MRPL45: variants seen among roughly 807,000 people sequenced by gnomAD.
MRPL45 encodes the protein mitochondrial ribosomal protein L45.
MRPL45 carries 20 observed loss-of-function variants against 38.1 expected under a neutral mutation model. That is an observed-to-expected ratio of 0.53 (90% CI 0.37 to 0.76). The LOEUF (loss-of-function observed/expected upper bound fraction) is 0.76. Ranked by LOEUF, MRPL45 falls within the 30% of genes least tolerant of loss-of-function variation. MRPL45 has a pLI of 0.00. For missense variants in MRPL45, 337 were observed against 395.6 expected, an observed-to-expected ratio of 0.85 and a Z score of 1.26; for synonymous variants, 105 against 128.8, an observed-to-expected ratio of 0.82 and a Z score of 1.25.
At chr17:38,314,097 CACTCTTTTATTATT>C (rs2037151682) in intron 4 of MRPL45, among the ~76,000 whole-genome samples, 1 of 152,118 alleles carries the variant, frequency 6.6e-6, no homozygotes, top group Non-Finnish European at 1.5e-5. Flanking sequence ...TTTGTCTTTT[CACTCTTTTATTATT>C]ATTAGTTTTT....
intron 3 of MRPL45, among the ~76,000 whole-genome samples, chr17:38,301,538 G>A (rs2036995883): frequency 6.6e-6 from 1 of 152,174 alleles, no homozygotes; most frequent in Non-Finnish European, 1.5e-5. Context: ...ACCACGCTGG[G>A]CTATCATGTT....
intron 4 of MRPL45, 36 bp downstream of exon 4, chr17:38,306,667 C>T (rs1883751414): frequency 1.9e-6 from 3 of 1,605,078 alleles, no homozygotes; most frequent in Non-Finnish European, 2.5e-6. Flanking sequence ...ATTCTGTTCT[C>T]AGCAGTTAGC....
intron 1 of MRPL45, among the ~76,000 whole-genome samples, chr17:38,298,112 C>G (rs1394831679): frequency 1.3e-5 from 2 of 152,054 alleles, no homozygotes; most frequent in Admixed American, 6.6e-5. Context: ...AGTATTCTGC[C>G]CATTTCAGTA....
chr17:38,316,835 G>A (rs1326496766), intron 4 of MRPL45, among the ~76,000 whole-genome samples: 2 of 145,088 alleles, frequency 1.4e-5, no homozygotes, highest in Admixed American at 7.2e-5. Flanking sequence ...GTCTTGCTCT[G>A]TTGCCAGGCT....
At chr17:38,314,009 A>T (rs1244251948) in intron 4 of MRPL45, among the ~76,000 whole-genome samples, 2 of 152,078 alleles carry the variant, frequency 1.3e-5, no homozygotes, top group East Asian at 3.9e-4. Context: ...TTGTTGAGTT[A>T]TAGGAGTTCT....
At chr17:38,311,655 C>T (rs1169220036) in intron 4 of MRPL45, among the ~76,000 whole-genome samples, 1 of 149,360 alleles carries the variant, frequency 6.7e-6, no homozygotes, top group Non-Finnish European at 1.5e-5. Context: ...CACTGCACTC[C>T]AGCCTGGCGA....
chr17:38,302,590 A>AGCAAGGCT (rs1458412039), intron 3 of MRPL45, among the ~76,000 whole-genome samples: 1 of 150,514 alleles, frequency 6.6e-6, no homozygotes, highest in Non-Finnish European at 1.5e-5. Flanking sequence ...GAACAGTACA[A>AGCAAGGCT]GCAAGGCTTT....
intron 4 of MRPL45, among the ~76,000 whole-genome samples, chr17:38,309,911 C>A (rs1048693477): frequency 3.9e-5 from 6 of 152,104 alleles, no homozygotes; most frequent in Non-Finnish European, 8.8e-5. Flanking sequence ...GTTCTGAATA[C>A]ACATATGTTA....
intron 3 of MRPL45, among the ~76,000 whole-genome samples, chr17:38,305,508 T>G (rs1468587691): frequency 2.0e-5 from 3 of 150,972 alleles, no homozygotes; most frequent in Non-Finnish European, 4.4e-5. Flanking sequence ...TTCTGACTCT[T>G]TTTTTTGAGA....
chr17:38,318,830 T>C, intron 5 of MRPL45, 95 bp downstream of exon 5: 1 of 36,926 alleles, frequency 2.7e-5, no homozygotes, highest in African/African-American at 4.4e-5. Flanking sequence ...TTCTTTTCTT[T>C]TTTTTTTTTT....
intron 4 of MRPL45, among the ~76,000 whole-genome samples, chr17:38,307,953 T>C (rs1597649282): frequency 2.0e-5 from 3 of 152,162 alleles, no homozygotes; most frequent in African/African-American, 4.8e-5. Flanking sequence ...TTGCCCAGGC[T>C]GGAGGGCAGT....
intron 4 of MRPL45, among the ~76,000 whole-genome samples, chr17:38,311,762 A>G (rs1259973496): frequency 6.6e-6 from 1 of 151,592 alleles, no homozygotes; most frequent in Admixed American, 6.6e-5. Flanking sequence ...CAAGAAGTCA[A>G]CATCTATGAG....
chr17:38,317,354 A>G (rs896369959), intron 4 of MRPL45, among the ~76,000 whole-genome samples: 6 of 152,172 alleles, frequency 3.9e-5, no homozygotes, highest in Admixed American at 6.6e-5. Flanking sequence ...GCAGATAGAC[A>G]TGTTAGAACT....
Position 38,299,080 on chromosome 17 carries a change from G to T in MRPL45, c.245-271G>T, listed in dbSNP as rs571512909. 7.0e-3 allele frequency among the ~76,000 whole-genome samples: 1,059 copies of T among 151,166 alleles called. 10 individuals are homozygous for T. Among genetic ancestry groups the T allele is most frequent in the African/African-American group, 0.023 (945 of 41,284 alleles). Reference sequence around the variant, plus strand: ...AATTTTTGTATTTTTAGTAGAGATGGGGTTTCACCATCTTGGCCAGGCTGG... The same window carrying T: ...AATTTTTGTATTTTTAGTAGAGATGTGGTTTCACCATCTTGGCCAGGCTGG... On this transcript the variant is annotated intron_variant, in intron 2 of 7. Transcript: ENST00000613675.
intron 4 of MRPL45, among the ~76,000 whole-genome samples, chr17:38,313,312 ATAT>A (rs1412846209): frequency 6.5e-5 from 2 of 30,936 alleles, no homozygotes; most frequent in Non-Finnish European, 4.9e-5. Context: ...AAAAAAAAAA[ATAT>A]ATATATATAT....
Position 38,320,783 on chromosome 17 carries a change from T to C in MRPL45, c.660+16T>C, listed in dbSNP as rs2037222322. ...CACCCGGCAGGTAGAGGCACTCGTC[T>C]GCCTTCCTCCCAGCTTTTTTTCACT... On this transcript the variant is annotated intron_variant, in intron 6 of 7. Transcript: ENST00000613675. 2 of 1,612,966 alleles carry C rather than the reference T, an allele frequency of 1.2e-6. No homozygotes were observed. Among genetic ancestry groups the C allele is most frequent in the African/African-American group, 1.3e-5 (1 of 74,928 alleles).
At chr17:38,314,414 C>G (rs2037154923) in intron 4 of MRPL45, among the ~76,000 whole-genome samples, 1 of 152,170 alleles carries the variant, frequency 6.6e-6, no homozygotes, top group Admixed American at 6.6e-5. Flanking sequence ...TCTTTTCACT[C>G]TTGATAGTAT....
rs1192248646 is a variant in MRPL45, at chr17:38,314,834, C to T, written c.462-3853C>T. Among the ~76,000 whole-genome samples the T allele has an allele frequency of 3.9e-5, 6 of 152,346 alleles. No individual in the cohort carries two copies. The East Asian group carries it at 1.2e-3, about 29-fold the overall frequency. On this transcript the variant is annotated intron_variant, in intron 4 of 7. Coordinates refer to ENST00000613675, the MANE Select transcript of MRPL45 (RefSeq NM_032351.6). The stretch of plus-strand genomic sequence containing the variant: ...GGCATGGGCCACCGCCTGTCCTCAA[C>T]AGTGGTTTTTGCAGAAATAGAGAAA...
intron 3 of MRPL45, 117 bp from the exon 4 acceptor site, chr17:38,306,410 GAAAAAA>G: frequency 1.1e-6 from 1 of 894,988 alleles, no homozygotes; most frequent in Non-Finnish European, 1.6e-6. Context: ...CTCAAAAAAA[GAAAAAA>G]AAAAAAAAGC....
Sources: allele counts gnomAD v4.1 joint callset (sites outside exome capture counted in the v4.1 genomes callset), GRCh38; gene constraint gnomAD v4.1.1; transcripts MANE v1.5; gene names NCBI Gene and HGNC (gene_info 2026-07-23, HGNC 2026-07-21).